Variants in DOCK3 observed in about 807,000 individuals in gnomAD.
DOCK3 encodes dedicator of cytokinesis protein 3.
Under a neutral mutation model 265.6 loss-of-function variants are expected in DOCK3, and 60 were observed. That is an observed-to-expected ratio of 0.23 (90% CI 0.18 to 0.28). The LOEUF is 0.28. Among genes scored for constraint, DOCK3 ranks in the 10% least tolerant of loss-of-function variants. The probability of loss-of-function intolerance (pLI) is 1.00; values close to 1 mark genes in which losing one functional copy is unlikely to be tolerated. For missense variants in DOCK3, 1,981 were observed against 2,594.3 expected (o/e 0.76, Z 5.14); for synonymous variants, 881 against 938.0 (o/e 0.94, Z 1.11).
At chr3:51,379,065 T>C (rs1449394857) in intron 51 of DOCK3, among the ~76,000 whole-genome samples, 2 of 152,218 alleles carry the variant, frequency 1.3e-5, no homozygotes, top group Non-Finnish European at 2.9e-5. Flanking sequence ...CTCTAGACTT[T>C]GGCAAGGAGC....
intron 4 of DOCK3, among the ~76,000 whole-genome samples, chr3:50,920,432 T>TA (rs1296973789): frequency 6.6e-6 from 1 of 152,204 alleles, no homozygotes; most frequent in Admixed American, 6.5e-5. Flanking sequence ...CAGAGCCTAT[T>TA]ATTGGTCTAT....
At chr3:51,307,533 C>CAAAA (rs879619100) in intron 27 of DOCK3, among the ~76,000 whole-genome samples, 12 of 152,146 alleles carry the variant, frequency 7.9e-5, no homozygotes, top group Admixed American at 4.6e-4. Flanking sequence ...AAATCAATAA[C>CAAAA]TCTCCGCATT....
intron 1 of DOCK3, among the ~76,000 whole-genome samples, chr3:50,772,109 T>C (rs1394882235): frequency 6.6e-6 from 1 of 152,144 alleles, no homozygotes; most frequent in Non-Finnish European, 1.5e-5. Flanking sequence ...TACTATTCAA[T>C]CATAAAGAAG....
intron 27 of DOCK3, among the ~76,000 whole-genome samples, chr3:51,288,625 C>T (rs1489614617): frequency 2.6e-5 from 4 of 152,050 alleles, no homozygotes; most frequent in Non-Finnish European, 5.9e-5. Context: ...AACATAAAGG[C>T]TTTTAAATAC....
At chr3:51,110,941 G>A (rs1008061368) in intron 9 of DOCK3, among the ~76,000 whole-genome samples, 11 of 151,998 alleles carry the variant, frequency 7.2e-5, no homozygotes, top group Admixed American at 2.6e-4. Flanking sequence ...CCATAATCTC[G>A]GCCCAAAAGC....
intron 23 of DOCK3, among the ~76,000 whole-genome samples, chr3:51,269,604 C>T (rs1433523327): frequency 6.6e-6 from 1 of 152,134 alleles, no homozygotes; most frequent in African/African-American, 2.4e-5. Context: ...CCTGATGGAG[C>T]AGTCAAGAAA....
intron 9 of DOCK3, among the ~76,000 whole-genome samples, chr3:51,106,435 C>T (rs745368947): frequency 3.3e-4 from 50 of 152,340 alleles, no homozygotes; most frequent in Non-Finnish European, 6.5e-4. Context: ...CACACGTCAC[C>T]ATGGCCGCTC....
intron 3 of DOCK3, among the ~76,000 whole-genome samples, chr3:50,855,153 T>C (rs1321579190): frequency 1.3e-5 from 2 of 152,206 alleles, no homozygotes; most frequent in African/African-American, 4.8e-5. Context: ...TTATTTTTTC[T>C]AATTCTGTGT....
At chr3:51,172,960 G>A (rs1016758153) in intron 12 of DOCK3, among the ~76,000 whole-genome samples, 3 of 152,008 alleles carry the variant, frequency 2.0e-5, no homozygotes, top group Non-Finnish European at 2.9e-5. Context: ...TTATGTCACT[G>A]TTTACATATT....
Position 51,363,586 on chromosome 3 carries a change from G to A in DOCK3, c.5293+912G>A, listed in dbSNP as rs145889088. On this transcript the variant is annotated intron_variant, in intron 49 of 52. Coordinates refer to ENST00000266037, the MANE Select transcript of DOCK3 (RefSeq NM_004947.5). Reference sequence around the variant, plus strand: ...TGTGCCATGTTGGTGTGCTGCACCCGTTAACTCGTCATTTACATTAGGTAT... The same window carrying A: ...TGTGCCATGTTGGTGTGCTGCACCCATTAACTCGTCATTTACATTAGGTAT... Among the ~76,000 whole-genome samples, 577 of 152,228 alleles carry A rather than the reference G, an allele frequency of 3.8e-3. 3 individuals are homozygous for A. Among genetic ancestry groups the A allele is most frequent in the African/African-American group, 0.013 (538 of 41,538 alleles).
intron 5 of DOCK3, among the ~76,000 whole-genome samples, chr3:51,046,814 G>C (rs536016794): frequency 1.4e-4 from 21 of 152,040 alleles, no homozygotes; most frequent in Non-Finnish European, 2.6e-4. Flanking sequence ...TCACGTACTA[G>C]ATCACAAAAT....
chr3:51,179,948 C>T (rs1369984332), intron 12 of DOCK3, among the ~76,000 whole-genome samples: 2 of 151,974 alleles, frequency 1.3e-5, no homozygotes, highest in Non-Finnish European at 2.9e-5. Context: ...TGTCTCATGC[C>T]TGTAATCCCA....
chr3:51,113,021 TTATATC>T (rs10536569), intron 9 of DOCK3, among the ~76,000 whole-genome samples: 113,360 of 151,226 alleles, frequency 0.75, 43,623 homozygotes, highest in Middle Eastern at 0.88. Context: ...GGATTTGAGA[TTATATC>T]TATAATATTC....
chr3:51,233,762 A>C (rs2078239308), intron 19 of DOCK3, among the ~76,000 whole-genome samples: 1 of 152,142 alleles, frequency 6.6e-6, no homozygotes, highest in Non-Finnish European at 1.5e-5. Context: ...GGCTACTGTA[A>C]ACGCAATTGC....
intron 5 of DOCK3, among the ~76,000 whole-genome samples, chr3:51,048,733 A>G (rs2080869437): frequency 6.6e-6 from 1 of 152,162 alleles, no homozygotes; most frequent in Non-Finnish European, 1.5e-5. Flanking sequence ...ACTTACACGT[A>G]AGTACTTAAC....
At chr3:50,811,983 GAACTT>G (rs2043787049) in intron 2 of DOCK3, among the ~76,000 whole-genome samples, 1 of 152,200 alleles carries the variant, frequency 6.6e-6, no homozygotes, top group Non-Finnish European at 1.5e-5. Flanking sequence ...AAGAAACTAA[GAACTT>G]AACTCCTATC....
chr3:50,973,181 A>C (rs1457613421), intron 5 of DOCK3, among the ~76,000 whole-genome samples: 1 of 144,192 alleles, frequency 6.9e-6, no homozygotes, highest in Admixed American at 7.0e-5. Context: ...GTATGTGTGC[A>C]CATTGTGCAG....
chr3:50,689,588 A>G (rs2035069134), intron 1 of DOCK3, among the ~76,000 whole-genome samples: 1 of 152,200 alleles, frequency 6.6e-6, no homozygotes, highest in South Asian at 2.1e-4. Context: ...ATTATGGAAG[A>G]TATAATTCAA....
intron 9 of DOCK3, among the ~76,000 whole-genome samples, chr3:51,117,872 C>T (rs2106653709): frequency 6.6e-6 from 1 of 152,038 alleles, no homozygotes; most frequent in Admixed American, 6.5e-5. Flanking sequence ...ATGAGTCTGG[C>T]TAGCAGTCTA....
Sources: allele counts gnomAD v4.1 joint callset (sites outside exome capture counted in the v4.1 genomes callset), GRCh38; gene constraint gnomAD v4.1.1; transcripts MANE v1.5; gene names NCBI Gene and HGNC (gene_info 2026-07-23, HGNC 2026-07-21).